CTNND2: variants seen among roughly 807,000 people sequenced by gnomAD.
CTNND2 encodes catenin delta 2, also known as catenin delta-2.
A neutral mutation model predicts 144.4 loss-of-function variants in CTNND2; 22 were observed. That is an observed-to-expected ratio of 0.15 (90% CI 0.11 to 0.22). CTNND2 has a LOEUF of 0.22. Among genes scored for constraint, CTNND2 ranks in the 10% least tolerant of loss-of-function variants. The pLI is 1.00. For synonymous variants in CTNND2, 751 were observed against 695.6 expected, an observed-to-expected ratio of 1.08 and a Z score of -1.25; for missense variants, 1,353 against 1,618.8, an observed-to-expected ratio of 0.84 and a Z score of 2.82.
chr5:11,540,864 A>G lies in CTNND2; in HGVS notation c.287+24080T>C, dbSNP rs890796306. Among the ~76,000 whole-genome samples, 8 of 152,326 alleles carry G rather than the reference A, an allele frequency of 5.3e-5. 1 individual carries two copies. Among genetic ancestry groups the G allele is most frequent in the Admixed American group, 3.3e-4 (5 of 15,310 alleles). ...GGTTTATACTTACCTCTAGTATGAG[A>G]GTTAAGTAAGTTAACTCATCAACAA... On this transcript the variant is annotated intron_variant, in intron 3 of 21. Transcript: ENST00000304623.
At chr5:11,773,786 G>A (rs1790083251) in intron 1 of CTNND2, among the ~76,000 whole-genome samples, 1 of 139,840 alleles carries the variant, frequency 7.2e-6, no homozygotes, top group African/African-American at 2.7e-5. Context: ...ACTCCAGCCT[G>A]GGTGACAGAG....
At chr5:11,380,329 G>C (rs554147412) in intron 7 of CTNND2, among the ~76,000 whole-genome samples, 1 of 152,184 alleles carries the variant, frequency 6.6e-6, no homozygotes, top group Admixed American at 6.5e-5. Flanking sequence ...CACACCCAAG[G>C]TAGTGTGGTA....
At chr5:11,847,251 A>C (rs528554088) in intron 1 of CTNND2, among the ~76,000 whole-genome samples, 119 of 149,374 alleles carry the variant, frequency 8.0e-4, no homozygotes, top group Middle Eastern at 3.5e-3. Context: ...TCTACAAATG[A>C]GTGGATAAAG....
intron 18 of CTNND2, among the ~76,000 whole-genome samples, chr5:11,011,502 C>A (rs1741076530): frequency 6.6e-6 from 1 of 152,204 alleles, no homozygotes. Context: ...CAGGCATGAG[C>A]CACCATGCCC....
At chr5:11,793,576 G>A (rs557999584) in intron 1 of CTNND2, among the ~76,000 whole-genome samples, 13 of 152,294 alleles carry the variant, frequency 8.5e-5, no homozygotes, top group South Asian at 2.1e-4. Flanking sequence ...CAGGCAGAAC[G>A]CCATGGGAAC....
At chr5:11,212,363 T>G (rs1039125422) in intron 10 of CTNND2, among the ~76,000 whole-genome samples, 3 of 152,220 alleles carry the variant, frequency 2.0e-5, no homozygotes, top group Non-Finnish European at 4.4e-5. Context: ...CCAGCTGAAC[T>G]GACTTCTTGG....
chr5:11,267,953 A>T (rs1745622988), intron 9 of CTNND2, among the ~76,000 whole-genome samples: 1 of 152,230 alleles, frequency 6.6e-6, no homozygotes, highest in Non-Finnish European at 1.5e-5. Context: ...GAAAAACTTT[A>T]ATGAGAAAAC....
At chr5:11,131,152 C>G (rs1380452612) in intron 12 of CTNND2, among the ~76,000 whole-genome samples, 1 of 152,124 alleles carries the variant, frequency 6.6e-6, no homozygotes, top group Non-Finnish European at 1.5e-5. Flanking sequence ...TCTGCTCAAC[C>G]AGGTGTGATT....
In CTNND2 at chr5:11,247,620, A is replaced by G. The variant is rs1356322149; in HGVS notation, c.1629-10797T>C. ...GCCTTACATTAATCTTAGTCAAGCA[A>G]TGGGCTTCTTCTCTGAATTCAATTT... On this transcript the variant is annotated intron_variant, in intron 9 of 21. Coordinates refer to ENST00000304623, the MANE Select transcript of CTNND2 (RefSeq NM_001332.4). Among the ~76,000 whole-genome samples, 11 of 152,338 alleles carry G rather than the reference A, an allele frequency of 7.2e-5. No homozygotes were observed. The South Asian group carries it at 2.3e-3, about 32-fold the overall frequency.
chr5:11,600,504 G>T (rs977746358), intron 2 of CTNND2, among the ~76,000 whole-genome samples: 6 of 151,760 alleles, frequency 4.0e-5, no homozygotes, highest in Non-Finnish European at 7.4e-5. Context: ...TCAGGAGTTC[G>T]AGACCAGTTT....
At chr5:11,870,454 C>T (rs4702838) in intron 1 of CTNND2, among the ~76,000 whole-genome samples, 33,105 of 152,116 alleles carry the variant, frequency 0.22, 3,951 homozygotes, top group Non-Finnish European at 0.27. Context: ...CACTCATGAG[C>T]GAGCTGTACA....
At chr5:11,020,537 A>G (rs956929029) in intron 17 of CTNND2, among the ~76,000 whole-genome samples, 1 of 152,186 alleles carries the variant, frequency 6.6e-6, no homozygotes, top group African/African-American at 2.4e-5. Context: ...CTAGAAGTCC[A>G]TGGGAATCTC....
In CTNND2 at chr5:11,803,336, A is replaced by AT. The variant is rs533911479; in HGVS notation, c.38-71065_38-71064insA. 1.2e-4 allele frequency among the ~76,000 whole-genome samples: 18 copies of AT among 151,928 alleles called. No homozygotes were observed. In the East Asian group the frequency reaches 2.9e-3, roughly 25 times the overall value. ...TGCGTCTCAAAAAAAAAAGAAAAAA[A>AT]AATATGCACAAGAGTGCACAAGAGG... On this transcript the variant is annotated intron_variant, in intron 1 of 21. Transcript: ENST00000304623.
At chr5:11,453,988 T>C (rs571937177) in intron 3 of CTNND2, among the ~76,000 whole-genome samples, 54 of 152,346 alleles carry the variant, frequency 3.5e-4, no homozygotes, top group African/African-American at 1.3e-3. Flanking sequence ...ATTAACACTT[T>C]ATAGGATTTC....
rs555388304 is a variant in CTNND2 at position 11,404,602 on chromosome 5, C to CTTTTTTTTT, written c.439+6925_439+6933dup. Among the ~76,000 whole-genome samples the CTTTTTTTTT allele has an allele frequency of 6.9e-3, 398 of 57,358 alleles. 114 individuals carry two copies. Among genetic ancestry groups the CTTTTTTTTT allele is most frequent in the Non-Finnish European group, 9.8e-3 (247 of 25,174 alleles). The allele number at this position is 57,358 out of a possible 152,430, so 37.6% of individuals were successfully genotyped here. ...ATCAGTATCTGTCAGTATCTGTATTCTTTTTTTTTTTTTTTTTTTTTTTTT... is the reference window on the plus strand; with the variant it reads ...ATCAGTATCTGTCAGTATCTGTATTCTTTTTTTTTTTTTTTTTTTTTTTTTTTTTTTTTT... On this transcript the variant is annotated intron_variant, in intron 5 of 21. Coordinates refer to ENST00000304623, the MANE Select transcript of CTNND2 (RefSeq NM_001332.4).
intron 2 of CTNND2, among the ~76,000 whole-genome samples, chr5:11,568,433 G>GC (rs567173211): frequency 1.6e-3 from 236 of 152,226 alleles, no homozygotes; most frequent in African/African-American, 5.3e-3. Flanking sequence ...AACTGTTTGG[G>GC]CCTTGCCACA....
intron 21 of CTNND2, among the ~76,000 whole-genome samples, chr5:10,981,243 A>G (rs1254372334): frequency 6.6e-6 from 1 of 152,154 alleles, no homozygotes; most frequent in African/African-American, 2.4e-5. Context: ...TGGTTCCCCA[A>G]CTAGACTTTG....
chr5:11,821,822 G>A (rs866294239), intron 1 of CTNND2, among the ~76,000 whole-genome samples: 8 of 152,020 alleles, frequency 5.3e-5, no homozygotes, highest in South Asian at 4.1e-4. Flanking sequence ...AAATCAATTC[G>A]ATTTCATTTA....
At chr5:11,550,501 C>T (rs998838594) in intron 3 of CTNND2, among the ~76,000 whole-genome samples, 1 of 152,192 alleles carries the variant, frequency 6.6e-6, no homozygotes, top group Non-Finnish European at 1.5e-5. Flanking sequence ...GCAGTCAATG[C>T]CTTGGACAGA....
Sources: gnomAD v4.1 joint callset for allele counts (sites outside exome capture counted in the v4.1 genomes callset) on GRCh38, gnomAD v4.1.1 for gene constraint, MANE v1.5 for transcripts, NCBI Gene and HGNC (gene_info 2026-07-23, HGNC 2026-07-21) for gene names.